Variants in QTMAN observed in about 807,000 individuals in gnomAD.
The protein encoded by QTMAN is queuosine-tRNA mannosyltransferase.
chr2:143,949,032 G>C, the QTMAN span, among the ~76,000 whole-genome samples: 1 of 151,956 alleles, frequency 6.6e-6, no homozygotes, highest in Non-Finnish European at 1.5e-5. Context: ...AAGAAAAATG[G>C]TTTTAGGTTT....
chr2:144,304,095 G>C, the QTMAN span, among the ~76,000 whole-genome samples: 7 of 152,186 alleles, frequency 4.6e-5, no homozygotes, highest in Admixed American at 4.6e-4. Context: ...ACAAATATGA[G>C]AGAACAATAA....
At chr2:144,251,895 A>C in the QTMAN span, among the ~76,000 whole-genome samples, 1 of 152,210 alleles carries the variant, frequency 6.6e-6, no homozygotes, top group Non-Finnish European at 1.5e-5. Context: ...TAAGTAAACA[A>C]GCAATTAAAA....
chr2:143,990,963 A>G, the QTMAN span, among the ~76,000 whole-genome samples: 1 of 152,204 alleles, frequency 6.6e-6, no homozygotes, highest in South Asian at 2.1e-4. Context: ...TGAGAAATTT[A>G]AAAAAATCAT....
At chr2:143,944,929 T>C in the QTMAN span, 1 of 152,144 alleles carries the variant, frequency 6.6e-6, no homozygotes, top group Non-Finnish European at 1.5e-5. Context: ...TTTTTTTTTT[T>C]TTTTCCTATC....
the QTMAN span, among the ~76,000 whole-genome samples, chr2:144,311,351 G>A: frequency 2.0e-5 from 3 of 152,196 alleles, no homozygotes; most frequent in African/African-American, 7.2e-5. Flanking sequence ...TAGGCTTTGT[G>A]ATTAGACTTA....
the QTMAN span, among the ~76,000 whole-genome samples, chr2:144,272,087 G>A: frequency 1.3e-5 from 2 of 151,970 alleles, no homozygotes; most frequent in African/African-American, 4.8e-5. Flanking sequence ...TCTCTGTGTA[G>A]CATCTAGTAA....
the QTMAN span, among the ~76,000 whole-genome samples, chr2:144,330,305 TA>T: frequency 1.3e-5 from 2 of 152,218 alleles, no homozygotes; most frequent in Non-Finnish European, 1.5e-5. Flanking sequence ...AGCCCAGGAC[TA>T]ATAAGCTATA....
At chr2:144,214,348 A>G in the QTMAN span, among the ~76,000 whole-genome samples, 1 of 152,326 alleles carries the variant, frequency 6.6e-6, no homozygotes, top group South Asian at 2.1e-4. Flanking sequence ...CTGAAATATA[A>G]TCTGGTATCA....
At chr2:144,276,614 T>G in the QTMAN span, among the ~76,000 whole-genome samples, 1 of 152,340 alleles carries the variant, frequency 6.6e-6, no homozygotes, top group Non-Finnish European at 1.5e-5. Flanking sequence ...TACATGTACA[T>G]TGTTTATAGG....
the QTMAN span, among the ~76,000 whole-genome samples, chr2:144,133,352 GTA>G: frequency 3.6e-3 from 102 of 27,948 alleles, no homozygotes; most frequent in African/African-American, 8.9e-3. Context: ...TATTATATAT[GTA>G]TATATATAAT....
the QTMAN span, among the ~76,000 whole-genome samples, chr2:144,133,155 T>TATATATAA: frequency 2.4e-5 from 1 of 42,384 alleles, no homozygotes; most frequent in African/African-American, 1.4e-4. Context: ...ATATATAATA[T>TATATATAA]AATATAATAT....
At chr2:144,241,998 T>C in the QTMAN span, among the ~76,000 whole-genome samples, 460 of 152,192 alleles carry the variant, frequency 3.0e-3, 2 homozygotes, top group African/African-American at 9.9e-3. Flanking sequence ...ATTCATGAGA[T>C]TGGAGCTCAG....
the QTMAN span, among the ~76,000 whole-genome samples, chr2:144,022,385 G>A: frequency 2.0e-5 from 3 of 151,610 alleles, no homozygotes; most frequent in African/African-American, 7.3e-5. Flanking sequence ...CAATTTCTAG[G>A]CACAAGCAAT....
the QTMAN span, among the ~76,000 whole-genome samples, chr2:144,029,303 G>C: frequency 6.6e-6 from 1 of 152,118 alleles, no homozygotes; most frequent in African/African-American, 2.4e-5. Context: ...GGAGACTCCT[G>C]GAAAAGTCCC....
the QTMAN span, among the ~76,000 whole-genome samples, chr2:144,152,388 G>A: frequency 6.6e-6 from 1 of 152,280 alleles, no homozygotes; most frequent in African/African-American, 2.4e-5. Context: ...TTTAGCTAAA[G>A]GTGTCACTTA....
the QTMAN span, among the ~76,000 whole-genome samples, chr2:144,012,966 G>A: frequency 1.3e-5 from 2 of 152,002 alleles, no homozygotes; most frequent in Non-Finnish European, 2.9e-5. Context: ...ATTCTAGCTC[G>A]GGTTTGGGGG....
At chr2:143,957,192 T>C in the QTMAN span, 3 of 1,584,554 alleles carry the variant, frequency 1.9e-6, no homozygotes, top group Non-Finnish European at 2.6e-6. Context: ...AGAAAGAACT[T>C]ACATTGCCAC....
the QTMAN span, among the ~76,000 whole-genome samples, chr2:143,969,958 T>C: frequency 2.9e-4 from 44 of 152,336 alleles, no homozygotes; most frequent in Middle Eastern, 3.4e-3. Flanking sequence ...TTGTTGCTTG[T>C]ACATTTGATT....
the QTMAN span, chr2:144,006,232 TTAAAGATG>T: frequency 3.3e-5 from 5 of 152,150 alleles, no homozygotes; most frequent in Admixed American, 6.5e-5. Flanking sequence ...ACATTTAGAA[TTAAAGATG>T]AAAATCCCTT....
Sources: allele counts gnomAD v4.1 joint callset (sites outside exome capture counted in the v4.1 genomes callset), GRCh38; gene constraint gnomAD v4.1.1; transcripts MANE v1.5; gene names NCBI Gene and HGNC (gene_info 2026-07-23, HGNC 2026-07-21).